The following SPIDR variants were observed in gnomAD, a reference collection of about 807,000 sequenced individuals.
SPIDR encodes DNA repair-scaffolding protein.
Under a neutral mutation model 104.6 loss-of-function variants are expected in SPIDR, and 93 were observed. The ratio of observed to expected loss-of-function variants is 0.89; its 90% CI spans 0.75 to 1.06. SPIDR has a LOEUF of 1.06. SPIDR is among the 50% of genes least tolerant of loss of function. The pLI is 0.00. For missense variants in SPIDR, 1,154 were observed against 1,111.2 expected (o/e 1.04, Z -0.55); for synonymous variants, 431 against 416.9 (o/e 1.03, Z -0.41).
intron 7 of SPIDR, among the ~76,000 whole-genome samples, chr8:47,427,218 T>C: frequency 6.6e-6 from 1 of 150,524 alleles, no homozygotes; most frequent in Non-Finnish European, 1.5e-5. Context: ...TTCATAAATA[T>C]TATAAATACT....
chr8:47,408,849 C>T (rs1213131310), intron 7 of SPIDR, among the ~76,000 whole-genome samples: 1 of 152,128 alleles, frequency 6.6e-6, no homozygotes, highest in Non-Finnish European at 1.5e-5. Context: ...TTTCTTTTCT[C>T]TTGGAAATTA....
chr8:47,476,813 C>T (rs962056242), intron 8 of SPIDR, among the ~76,000 whole-genome samples: 9 of 152,232 alleles, frequency 5.9e-5, no homozygotes, highest in Non-Finnish European at 1.3e-4. Context: ...AAGTAGGAGA[C>T]TCGGTCAACA....
chr8:47,271,823 C>T lies in SPIDR; in HGVS notation c.34-8039C>T, dbSNP rs62542987. 5.0e-3 allele frequency among the ~76,000 whole-genome samples: 756 copies of T among 152,108 alleles called. 6 individuals carry two copies. The East Asian group carries it at 0.059, about 12-fold the overall frequency. On this transcript the variant is annotated intron_variant, in intron 1 of 19. Coordinates refer to ENST00000297423, the MANE Select transcript of SPIDR (RefSeq NM_001080394.4). Reference sequence around the variant, plus strand: ...TATTTTTTGAGACAGAGTCTCACCACGATGCCCAGGCTGGAGTGCAATGAC... The same window carrying T: ...TATTTTTTGAGACAGAGTCTCACCATGATGCCCAGGCTGGAGTGCAATGAC...
chr8:47,469,753 A>G (rs1369768970), intron 8 of SPIDR, among the ~76,000 whole-genome samples: 2 of 152,166 alleles, frequency 1.3e-5, no homozygotes, highest in Admixed American at 1.3e-4. Flanking sequence ...GGATCAGGAA[A>G]AATAACTAAT....
chr8:47,599,619 A>G (rs2062022894), intron 10 of SPIDR, among the ~76,000 whole-genome samples: 1 of 152,212 alleles, frequency 6.6e-6, no homozygotes. Context: ...GTATCAAACC[A>G]TCTGCATCAG....
At chr8:47,516,686 A>G (rs2083210651) in intron 8 of SPIDR, among the ~76,000 whole-genome samples, 2 of 152,144 alleles carry the variant, frequency 1.3e-5, no homozygotes, top group South Asian at 4.1e-4. Context: ...ATCCTGTGAA[A>G]TATTAGGTTT....
chr8:47,429,639 C>T (rs973395243), intron 7 of SPIDR, among the ~76,000 whole-genome samples: 1 of 152,122 alleles, frequency 6.6e-6, no homozygotes, highest in Non-Finnish European at 1.5e-5. Context: ...AGGAATAGCC[C>T]TCATCAGGCA....
intron 10 of SPIDR, among the ~76,000 whole-genome samples, chr8:47,672,804 T>C (rs906427570): frequency 1.3e-5 from 2 of 152,230 alleles, no homozygotes; most frequent in Admixed American, 6.5e-5. Flanking sequence ...AGCACATCTT[T>C]GTTTGGTCTT....
intron 8 of SPIDR, among the ~76,000 whole-genome samples, chr8:47,490,736 T>C (rs532440622): frequency 6.6e-6 from 1 of 152,084 alleles, no homozygotes; most frequent in Non-Finnish European, 1.5e-5. Context: ...CTCAGCAAAC[T>C]ATCGCAAGGA....
chr8:47,448,714 T>G (rs1564001526), intron 8 of SPIDR, among the ~76,000 whole-genome samples: 1 of 151,388 alleles, frequency 6.6e-6, no homozygotes, highest in Non-Finnish European at 1.5e-5. Context: ...GACCGAGAGA[T>G]AGGGTGTCAG....
intron 6 of SPIDR, among the ~76,000 whole-genome samples, chr8:47,401,388 G>A (rs527743105): frequency 1.3e-5 from 2 of 152,190 alleles, no homozygotes; most frequent in African/African-American, 4.8e-5. Context: ...ATGCCAAATT[G>A]TAAAGACCAT....
chr8:47,404,890 A>G (rs1554666315), intron 6 of SPIDR, among the ~76,000 whole-genome samples: 1 of 152,238 alleles, frequency 6.6e-6, no homozygotes, highest in Non-Finnish European at 1.5e-5. Context: ...GCTGCTATAA[A>G]GACACATTGA....
intron 10 of SPIDR, among the ~76,000 whole-genome samples, chr8:47,671,849 T>C (rs2075844945): frequency 6.6e-6 from 1 of 152,210 alleles, no homozygotes; most frequent in Non-Finnish European, 1.5e-5. Context: ...TGTGTGCTTC[T>C]TGCTTTTAAC....
At position 47,730,470 on chromosome 8, in the gene SPIDR, A is replaced by T. The variant is rs555454309; in HGVS notation, c.2604+1005A>T. Among the ~76,000 whole-genome samples the T allele has an allele frequency of 2.9e-3, 440 of 152,346 alleles. 3 individuals are homozygous for T. The highest frequency in any genetic ancestry group is 0.01 in the African/African-American group (431 of 41,576). ...AGTGGGCTCCACAACCAGGGAGCTG[A>T]CTTGGGCCACGCTGGAAGGGAGTGT... On this transcript the variant is annotated intron_variant, in intron 19 of 19. Transcript: ENST00000297423.
intron 1 of SPIDR, among the ~76,000 whole-genome samples, chr8:47,277,421 T>C (rs1035666846): frequency 9.1e-4 from 138 of 151,906 alleles, no homozygotes; most frequent in Middle Eastern, 3.4e-3. Context: ...GCTTCAGAAC[T>C]GTGGCGTGAT....
At chr8:47,442,031 A>G (rs528501318) in intron 8 of SPIDR, among the ~76,000 whole-genome samples, 16 of 152,148 alleles carry the variant, frequency 1.1e-4, no homozygotes, top group South Asian at 2.1e-4. Flanking sequence ...TTCAGTTACT[A>G]TAGTTTTATA....
intron 1 of SPIDR, among the ~76,000 whole-genome samples, chr8:47,272,380 G>A (rs1287124758): frequency 1.3e-5 from 2 of 152,102 alleles, no homozygotes; most frequent in African/African-American, 4.8e-5. Context: ...GTTTGTTGTT[G>A]GTGCTATAAT....
intron 8 of SPIDR, among the ~76,000 whole-genome samples, chr8:47,484,731 A>G (rs1256040306): frequency 2.0e-5 from 3 of 152,240 alleles, no homozygotes; most frequent in Non-Finnish European, 4.4e-5. Context: ...CATTGGGACC[A>G]GTAGTAATAT....
At chr8:47,599,254 C>G in intron 10 of SPIDR, 58 bp downstream of exon 10, 2 of 1,587,662 alleles carry the variant, frequency 1.3e-6, no homozygotes, top group South Asian at 2.3e-5. Flanking sequence ...ACAGAGTGCT[C>G]TAGAAAGTGG....
Sources: allele counts gnomAD v4.1 joint callset (sites outside exome capture counted in the v4.1 genomes callset), GRCh38; gene constraint gnomAD v4.1.1; transcripts MANE v1.5; gene names NCBI Gene and HGNC (gene_info 2026-07-23, HGNC 2026-07-21).